The following PLEKHO1 variants were observed in gnomAD, a reference collection of about 807,000 sequenced individuals.
PLEKHO1 encodes the protein pleckstrin homology domain-containing family O member 1.
A neutral mutation model predicts 41.4 loss-of-function variants in PLEKHO1; 22 were observed. The ratio of observed to expected loss-of-function variants is 0.53; its 90% CI spans 0.38 to 0.76. The LOEUF (loss-of-function observed/expected upper bound fraction) is 0.76. Among genes scored for constraint, PLEKHO1 ranks in the 30% least tolerant of loss-of-function variants. The probability of loss-of-function intolerance (pLI) is 0.00; values close to 1 mark genes in which losing one functional copy is unlikely to be tolerated. For missense variants in PLEKHO1, 488 were observed against 518.3 expected (o/e 0.94, Z 0.57); for synonymous variants, 225 against 210.8 (o/e 1.07, Z -0.58).
In PLEKHO1 at chr1:150,150,179, A is replaced by C; in HGVS notation, c.-79A>C. ...CAGCTCCGACGCCCTCCCGCGGGGA[A>C]GGAGCCCCCGCGGTGCCGCCGAGGC... On this transcript the variant is annotated 5_prime_UTR_variant, in exon 1 of 6. Transcript: ENST00000369124. 3.4e-6 allele frequency: 2 copies of C among 595,402 alleles called. No individual in the cohort carries two copies. Among genetic ancestry groups the C allele is most frequent in the Non-Finnish European group, 4.3e-6 (2 of 469,104 alleles). 36.9% of individuals were successfully genotyped at this position (595,402 alleles called of 1,614,324 possible).
Position 150,156,184 on chromosome 1 carries a change from A to G in PLEKHO1, c.296A>G (p.His99Arg), listed in dbSNP as rs148544623. ...KKNHSKFTLA[H>R]SKQPGNTAPN... ...AATCATAGCAAGTTTACTCTTGCCCACTCCAAACAGCCCGGTAACACGGTA... is the reference window on the plus strand; with the variant it reads ...AATCATAGCAAGTTTACTCTTGCCCGCTCCAAACAGCCCGGTAACACGGTA... Residue 99 changes from histidine to arginine, a missense_variant, in exon 3 of 6, where the codon CAC (histidine) becomes CGC (arginine). By Grantham distance (29) the His-to-Arg change is conservative. Around this residue, in one of 3 missense-constraint regions of PLEKHO1, gnomAD observed 59 missense variants for 111.5 expected, o/e 0.53. Transcript: ENST00000369124. 4.6e-5 allele frequency: 74 copies of G among 1,613,596 alleles called. No homozygotes were observed. Among genetic ancestry groups the G allele is most frequent in the Middle Eastern group, 1.7e-4 (1 of 6,060 alleles).
At chr1:150,151,355 A>T (rs1256036671) in intron 2 of PLEKHO1, among the ~76,000 whole-genome samples, 2 of 151,948 alleles carry the variant, frequency 1.3e-5, no homozygotes, top group East Asian at 1.9e-4. Flanking sequence ...GCTGCCTCCC[A>T]CCCTAACCTG....
intron 2 of PLEKHO1, chr1:150,155,098 T>G (rs1294547335): frequency 6.6e-6 from 1 of 152,236 alleles, no homozygotes. Context: ...GCGGCCTCGA[T>G]GAGACGTTCA....
intron 2 of PLEKHO1, among the ~76,000 whole-genome samples, chr1:150,152,154 C>A (rs1437223427): frequency 1.3e-5 from 2 of 152,172 alleles, no homozygotes; most frequent in Admixed American, 1.3e-4. Flanking sequence ...GAAACATACA[C>A]ACACACACCC....
rs374179008 is a variant in PLEKHO1, at chr1:150,156,197, C to G, written c.309C>G (p.Pro103=). Residue 103 remains proline (P), a synonymous_variant, in exon 3 of 6, where the codon CCC becomes CCG. Transcript: ENST00000369124. ...SKFTLAHSKQ[P]GNTAPNLIFL... The stretch of plus-strand genomic sequence containing the variant: ...TTACTCTTGCCCACTCCAAACAGCC[C>G]GGTAACACGGTATGTTTCTCCTGCC... 1.9e-6 allele frequency: 3 copies of G among 1,613,274 alleles called. No homozygotes were observed. The highest frequency in any genetic ancestry group is 2.7e-5 in the African/African-American group (2 of 74,862).
chr1:150,151,040 C>T lies in PLEKHO1; in HGVS notation c.159C>T (p.Leu53=), dbSNP rs782299637. Residue 53 remains leucine, a synonymous_variant, in exon 2 of 6, where the codon CTC becomes CTT. Transcript: ENST00000369124. ...NRYVVLKGDQ[L]YISEKEVKDE... ...ATGTGGTGCTGAAAGGGGACCAGCT[C>T]TACATCTCTGAGAAGGAGGTGGGTG... 2.5e-6 allele frequency: 4 copies of T among 1,614,054 alleles called. No individual in the cohort carries two copies. The highest frequency in any genetic ancestry group is 2.7e-5 in the African/African-American group (2 of 74,934).
chr1:150,154,131 C>T (rs1188767181), intron 2 of PLEKHO1: 1 of 151,302 alleles, frequency 6.6e-6, no homozygotes, highest in Non-Finnish European at 1.5e-5. Context: ...CTAAGGAAAA[C>T]ATAGTAAGTT....
chr1:150,153,293 T>C (rs1292784763), intron 2 of PLEKHO1, among the ~76,000 whole-genome samples: 6 of 152,078 alleles, frequency 3.9e-5, no homozygotes, highest in Admixed American at 3.9e-4. Context: ...GCTTAAGCAA[T>C]CCTCCCACCT....
Position 150,157,429 on chromosome 1 carries a change from CAG to C in PLEKHO1, c.469_470del (p.Arg157GlyfsTer41), listed in dbSNP as rs782680178. The C allele has an allele frequency of 1.2e-6, 2 of 1,614,038 alleles. No homozygotes were observed. The highest frequency in any genetic ancestry group is 2.2e-5 in the East Asian group (1 of 44,884). On this transcript the variant is annotated frameshift_variant, in exon 5 of 6. Coordinates refer to ENST00000369124, the MANE Select transcript of PLEKHO1 (RefSeq NM_016274.6). LOFTEE classifies it high-confidence loss of function. ...DSYLAHPTRD[R>X]AKIQHSRRPP... Reference sequence around the variant, plus strand: ...GCTATCTTGCCCATCCCACTCGAGACAGGGCAAAAATCCAGCACTCCCGCCGC... The same window carrying C: ...GCTATCTTGCCCATCCCACTCGAGACGGCAAAAATCCAGCACTCCCGCCGC...
Position 150,156,088 on chromosome 1 carries a change from A to G in PLEKHO1, c.200A>G (p.Gln67Arg), listed in dbSNP as rs1553820351. ...EKEVKDEKNI[Q>R]EVFDLSDYEK... ...TAGGTAAAAGATGAGAAAAATATTC[A>G]AGAGGTATTTGACCTGAGTGACTAT... The change falls in exon 3 of 6, where the codon CAA becomes CGA. Residue 67 changes from glutamine (Q) to arginine (R), a missense_variant. Coordinates refer to ENST00000369124, the MANE Select transcript of PLEKHO1 (RefSeq NM_016274.6). The G allele has an allele frequency of 2.5e-6, 4 of 1,613,500 alleles. No homozygotes were observed. Among genetic ancestry groups the G allele is most frequent in the Middle Eastern group, 1.7e-4 (1 of 6,060 alleles).
intron 2 of PLEKHO1, chr1:150,154,904 C>T (rs1342875717): frequency 2.6e-5 from 4 of 152,166 alleles, no homozygotes; most frequent in African/African-American, 9.7e-5. Flanking sequence ...TAACTTTGGT[C>T]CTTGCTAGCC....
intron 5 of PLEKHO1, 84 bp downstream of exon 5, chr1:150,157,570 T>C (rs913762693): frequency 4.3e-6 from 4 of 923,814 alleles, no homozygotes; most frequent in Non-Finnish European, 6.8e-6. Flanking sequence ...ACCAGAGGCA[T>C]TTGCGGGAGG....
intron 5 of PLEKHO1, 67 bp downstream of exon 5, chr1:150,157,553 G>T: frequency 8.7e-7 from 1 of 1,142,894 alleles, no homozygotes; most frequent in Non-Finnish European, 1.3e-6. Context: ...AGACAGAACT[G>T]TATGCCACCA....
At position 150,159,435 on chromosome 1, in the gene PLEKHO1, A is replaced by G. The variant is rs147586035; in HGVS notation, c.1142A>G (p.Asp381Gly). The change falls in exon 6 of 6, where the codon GAC becomes GGC. Residue 381 changes from aspartate to glycine, a missense_variant. This residue lies in a region of PLEKHO1 where 337 missense variants were observed against 324.6 expected (regional missense o/e 1.04). Coordinates refer to ENST00000369124, the MANE Select transcript of PLEKHO1 (RefSeq NM_016274.6). ...RVLQEVRELRDLYRQMDLQTP... is the reference protein window; with the variant it reads ...RVLQEVRELRGLYRQMDLQTP... The stretch of plus-strand genomic sequence containing the variant: ...CTGCAGGAGGTCAGGGAGCTGAGAG[A>G]CCTGTACAGACAGATGGACCTGCAG... 315 of 1,613,852 alleles carry G rather than the reference A, an allele frequency of 2.0e-4. 1 individual carries two copies. The highest frequency in any genetic ancestry group is 2.2e-4 in the Non-Finnish European group (264 of 1,180,010).
In PLEKHO1 at chr1:150,157,300, G is replaced by A; in HGVS notation, c.424-85G>A. On this transcript the variant is annotated intron_variant, in intron 4 of 5. Transcript: ENST00000369124. Reference sequence around the variant, plus strand: ...TGCCCATTCAGAAGCAGTGAATGGAGTGGGCACATGTTCAGGCCTCGGGAT... The same window carrying A: ...TGCCCATTCAGAAGCAGTGAATGGAATGGGCACATGTTCAGGCCTCGGGAT... The A allele has an allele frequency of 6.1e-6, 6 of 988,518 alleles. No individual in the cohort carries two copies. The South Asian group carries it at 7.8e-5, about 13-fold the overall frequency. 61.2% of individuals were successfully genotyped at this position (988,518 alleles called of 1,614,324 possible). A position where few individuals can be genotyped will look rare whatever the true frequency, so the allele number is the denominator to read the frequency against.
Position 150,149,956 on chromosome 1 carries a change from C to A in PLEKHO1, c.-302C>A, listed in dbSNP as rs1659801918. 6.7e-6 allele frequency: 1 copy of A among 150,004 alleles called. No individual in the cohort carries two copies. The highest frequency in any genetic ancestry group is 2.0e-4 in the South Asian group (1 of 4,900). 9.3% of individuals were successfully genotyped at this position (150,004 alleles called of 1,614,324 possible). ...GGGGGAGCGGCCGCGCTGGGCCGGG[C>A]GGGCGGGTGGCGGGGGTGCGCTCGG... On this transcript the variant is annotated 5_prime_UTR_variant, in exon 1 of 6. Coordinates refer to ENST00000369124, the MANE Select transcript of PLEKHO1 (RefSeq NM_016274.6).
Position 150,157,390 on chromosome 1 carries a change from C to T in PLEKHO1, c.429C>T (p.Thr143=), listed in dbSNP as rs369767047. The T allele has an allele frequency of 2.5e-6, 4 of 1,612,064 alleles. No homozygotes were observed. Among genetic ancestry groups the T allele is most frequent in the Non-Finnish European group, 3.4e-6 (4 of 1,178,268 alleles). ...TTCACAGTACATCTCTTCAGGTCAC[C>T]GTTGAGGAGGACAGCTATCTTGCCC... ...RAKNRILDEV[T]VEEDSYLAHP... is the part of the protein sequence containing the mutation. Residue 143 remains threonine (T), a synonymous_variant, in exon 5 of 6, where the codon ACC becomes ACT. Transcript: ENST00000369124.
upstream of PLEKHO1, chr1:150,149,843 A>C (rs1553818004): frequency 6.6e-6 from 1 of 152,124 alleles, no homozygotes; most frequent in East Asian, 1.9e-4. Flanking sequence ...CGGCTCCGCG[A>C]TTCGCCCTTT....
chr1:150,155,708 ACCATGTCCCTTTAAGG>A lies in PLEKHO1; in HGVS notation c.178-357_178-342del, dbSNP rs1553820247. On this transcript the variant is annotated intron_variant, in intron 2 of 5. Transcript: ENST00000369124. ...ACTGAGGGCAATGGATCAACCATCTACCATGTCCCTTTAAGGACGTGAGCCTTTTTAGAACATGTAA... is the reference window on the plus strand; with the variant it reads ...ACTGAGGGCAATGGATCAACCATCTAACGTGAGCCTTTTTAGAACATGTAA... 673 of 179,074 alleles carry A rather than the reference ACCATGTCCCTTTAAGG, an allele frequency of 3.8e-3. 3 individuals carry two copies. The highest frequency in any genetic ancestry group is 0.015 in the African/African-American group (633 of 42,226). The allele number at this position is 179,074 out of a possible 1,614,324, so 11.1% of individuals were successfully genotyped here. A position where few individuals can be genotyped will look rare whatever the true frequency, so the allele number is the denominator to read the frequency against.
Sources: allele counts gnomAD v4.1 joint callset (sites outside exome capture counted in the v4.1 genomes callset), GRCh38; gene constraint gnomAD v4.1.1; regional missense constraint gnomAD v4.1.1; transcripts MANE v1.5; gene names NCBI Gene and HGNC (gene_info 2026-07-23, HGNC 2026-07-21).